Variants in BCAR3 observed in about 807,000 individuals in gnomAD.
BCAR3 encodes BCAR3 adaptor protein, NSP family member, also known as breast cancer anti-estrogen resistance protein 3.
BCAR3 carries 37 observed loss-of-function variants against 80.1 expected under a neutral mutation model. The observed-to-expected ratio is 0.46, with a 90% CI of 0.36 to 0.61. The LOEUF (loss-of-function observed/expected upper bound fraction) is 0.61, where lower values mean the gene tolerates loss of function less well. Ranked by LOEUF, BCAR3 falls within the 20% of genes least tolerant of loss-of-function variation. The pLI is 0.00. For missense variants in BCAR3, 978 were observed against 1,068.2 expected, an observed-to-expected ratio of 0.92 and a Z score of 1.18; for synonymous variants, 389 against 418.9, an observed-to-expected ratio of 0.93 and a Z score of 0.87.
intron 2 of BCAR3, among the ~76,000 whole-genome samples, chr1:93,714,380 T>A (rs1423527224): frequency 6.6e-6 from 1 of 152,180 alleles, no homozygotes; most frequent in African/African-American, 2.4e-5. Flanking sequence ...TAGGACACCA[T>A]CTTATTGACT....
chr1:93,699,377 G>C (rs1468638363), intron 3 of BCAR3, among the ~76,000 whole-genome samples: 2 of 152,186 alleles, frequency 1.3e-5, no homozygotes, highest in African/African-American at 4.8e-5. Flanking sequence ...TCTTCTTCCT[G>C]TTCATGCTTC....
chr1:93,736,817 A>C (rs1022390869), intron 2 of BCAR3, among the ~76,000 whole-genome samples: 1 of 152,206 alleles, frequency 6.6e-6, no homozygotes, highest in Non-Finnish European at 1.5e-5. Flanking sequence ...GAAAATAAAA[A>C]ATCATCATGG....
At chr1:93,614,763 C>T (rs1219581371) in intron 3 of BCAR3, among the ~76,000 whole-genome samples, 1 of 152,176 alleles carries the variant, frequency 6.6e-6, no homozygotes, top group Non-Finnish European at 1.5e-5. Flanking sequence ...ACTTCTGACT[C>T]AACTGTTTGT....
At chr1:93,846,972 G>GA in intron 1 of BCAR3, 2 of 345,754 alleles carry the variant, frequency 5.8e-6, no homozygotes, top group South Asian at 2.1e-5. Flanking sequence ...CACAGACGTC[G>GA]CGCGGCGGCG....
At chr1:93,847,878 G>T, upstream of BCAR3, 1 of 210,860 alleles carries the variant, frequency 4.7e-6, no homozygotes, top group Non-Finnish European at 9.5e-6. Flanking sequence ...CTGGGCAGTC[G>T]ATGTAGGTCC....
At chr1:93,671,039 G>C (rs1648178005) in intron 2 of BCAR3, among the ~76,000 whole-genome samples, 1 of 151,984 alleles carries the variant, frequency 6.6e-6, no homozygotes, top group African/African-American at 2.4e-5. Flanking sequence ...GTCACCCAAG[G>C]CAGAGTGCAG....
chr1:93,592,342 CCTT>C lies in BCAR3; in HGVS notation c.406_408del (p.Lys136del). On this transcript the variant is annotated inframe_deletion, in exon 4 of 12. Transcript: ENST00000260502. The surrounding 1 kb of genome is among the most constrained non-coding windows in gnomAD (Gnocchi z 4.8). ...CTCAGGAGCAGCTCCTCCTCCAGCT[CCTT>C]CTTCAGTTTCTCGGGGGTCCTGTCC... 1 of 1,609,608 alleles carries C rather than the reference CCTT, an allele frequency of 6.2e-7. No homozygotes were observed. The highest frequency in any genetic ancestry group is 8.5e-7 in the Non-Finnish European group (1 of 1,179,838).
chr1:93,589,112 T>A lies in BCAR3; in HGVS notation c.794A>T (p.His265Leu). 3 of 1,612,898 alleles carry A rather than the reference T, an allele frequency of 1.9e-6. No homozygotes were observed. The highest frequency in any genetic ancestry group is 2.5e-6 in the Non-Finnish European group (3 of 1,179,416). ...GGCCTGGCCTGGGGAGGTGCCATAA[T>A]GCTCCTCCAGGCACCGCAGAGGCAC... The part of the protein sequence containing the change: ...RTVPLRCLEE[H>L]YGTSPGQARE... The change falls in exon 5 of 12, where the codon CAT (histidine) becomes CTT (leucine). Residue 265 changes from histidine to leucine, a missense_variant. His to Leu is a moderately conservative substitution (Grantham distance 99). Coordinates refer to ENST00000260502, the MANE Select transcript of BCAR3 (RefSeq NM_003567.4).
intron 2 of BCAR3, among the ~76,000 whole-genome samples, chr1:93,768,880 T>C (rs1652252086): frequency 6.6e-6 from 1 of 152,218 alleles, no homozygotes; most frequent in African/African-American, 2.4e-5. Context: ...GCACTGATTC[T>C]GTGGTAGGTC....
intron 2 of BCAR3, among the ~76,000 whole-genome samples, chr1:93,780,749 A>C (rs571005477): frequency 6.6e-6 from 1 of 152,382 alleles, no homozygotes; most frequent in South Asian, 2.1e-4. Context: ...TTTTGTTAAA[A>C]GTGAACATAA....
intron 3 of BCAR3, among the ~76,000 whole-genome samples, chr1:93,637,301 C>A (rs1431387099): frequency 6.6e-6 from 1 of 151,940 alleles, no homozygotes; most frequent in African/African-American, 2.4e-5. Context: ...TCCTGAGGTG[C>A]CTGCCACCAT....
rs1165961015 is a variant in BCAR3, at chr1:93,802,174, G to A, written c.-63+43393C>T. On this transcript the variant is annotated intron_variant, in intron 2 of 13. Transcript: ENST00000370244. ...AATTAAAAAAAATTAGCCAGGTGTG[G>A]TGATGTGTGCCTGTAGTCCCAGGTA... Among the ~76,000 whole-genome samples, 5 of 151,982 alleles carry A rather than the reference G, an allele frequency of 3.3e-5. No homozygotes were observed. In the South Asian group the frequency reaches 1.0e-3, roughly 32 times the overall value.
intron 2 of BCAR3, among the ~76,000 whole-genome samples, chr1:93,668,299 T>G (rs1648022919): frequency 6.6e-6 from 1 of 152,188 alleles, no homozygotes; most frequent in African/African-American, 2.4e-5. Context: ...GCATTTAGGT[T>G]CAAATCATCC....
chr1:93,803,531 C>T (rs1278895594), intron 2 of BCAR3, among the ~76,000 whole-genome samples: 1 of 152,098 alleles, frequency 6.6e-6, no homozygotes, highest in African/African-American at 2.4e-5. Flanking sequence ...GATTCCATGC[C>T]ACTCACCCTG....
At chr1:93,835,481 T>G (rs1654731764) in intron 2 of BCAR3, among the ~76,000 whole-genome samples, 1 of 152,126 alleles carries the variant, frequency 6.6e-6, no homozygotes, top group South Asian at 2.1e-4. Flanking sequence ...ATCAATCTCC[T>G]CCCACACAAG....
chr1:93,750,723 C>T (rs560229997), intron 2 of BCAR3, among the ~76,000 whole-genome samples: 4 of 152,320 alleles, frequency 2.6e-5, no homozygotes, highest in East Asian at 1.9e-4. Context: ...AGGGAGGCCA[C>T]GTGTAGGCCC....
chr1:93,585,815 T>C (rs1158460916), intron 5 of BCAR3, among the ~76,000 whole-genome samples: 2 of 152,178 alleles, frequency 1.3e-5, no homozygotes, highest in African/African-American at 4.8e-5. Flanking sequence ...CATGGCTCAC[T>C]GCAGCTTCAA....
At chr1:93,661,468 C>G (rs1647652003) in intron 2 of BCAR3, among the ~76,000 whole-genome samples, 1 of 151,786 alleles carries the variant, frequency 6.6e-6, no homozygotes, top group Admixed American at 6.6e-5. Context: ...AGGGGTGAGC[C>G]ACCATACCTG....
intron 2 of BCAR3, among the ~76,000 whole-genome samples, chr1:93,843,100 G>T (rs972676719): frequency 1.3e-5 from 2 of 152,184 alleles, no homozygotes; most frequent in African/African-American, 2.4e-5. Context: ...CCCTTGTCTT[G>T]GGAAACCATG....
Sources: allele counts gnomAD v4.1 joint callset (sites outside exome capture counted in the v4.1 genomes callset), GRCh38; gene constraint gnomAD v4.1.1; non-coding constraint Gnocchi (gnomAD v3.1); transcripts MANE v1.5; gene names NCBI Gene and HGNC (gene_info 2026-07-23, HGNC 2026-07-21).